The following YTHDF1 variants were observed in gnomAD, a reference collection of about 807,000 sequenced individuals.
YTHDF1 encodes the protein YTH N6-methyladenosine RNA binding protein F1.
Under a neutral mutation model 49.1 loss-of-function variants are expected in YTHDF1, and 16 were observed. The ratio of observed to expected loss-of-function variants is 0.33; its 90% CI spans 0.22 to 0.49. The LOEUF (loss-of-function observed/expected upper bound fraction) is 0.49, where lower values mean the gene tolerates loss of function less well. Among genes scored for constraint, YTHDF1 ranks in the 20% least tolerant of loss-of-function variants. The pLI, the probability that YTHDF1 is intolerant of heterozygous loss-of-function variation, is 0.99. For missense variants in YTHDF1, 621 were observed against 744.3 expected (o/e 0.83, Z 1.93); for synonymous variants, 313 against 290.1 (o/e 1.08, Z -0.80).
rs992066194 is a variant in YTHDF1, at chr20:63,196,865, C to T, written c.1654-131G>A. ...GGCGGGACCCTGAATGGTACCCAAG[C>T]CACACCAGCACACAACTCTGAGCTG... On this transcript the variant is annotated intron_variant, in intron 4 of 4. Coordinates refer to ENST00000370339, the MANE Select transcript of YTHDF1 (RefSeq NM_017798.4). 9.0e-6 allele frequency: 9 copies of T among 999,860 alleles called. No individual in the cohort carries two copies. In the African/African-American group the frequency reaches 9.7e-5, roughly 11 times the overall value. 61.9% of individuals were successfully genotyped at this position (999,860 alleles called of 1,614,324 possible). A position where few individuals can be genotyped will look rare whatever the true frequency, so the allele number is the denominator to read the frequency against.
rs2066492873 is a variant in YTHDF1, at chr20:63,196,458, T to TC, written c.*249dup. The TC allele has an allele frequency of 2.7e-6, 1 of 368,862 alleles. No homozygotes were observed. The highest frequency in any genetic ancestry group is 4.2e-5 in the East Asian group (1 of 24,064). 22.8% of individuals were successfully genotyped at this position (368,862 alleles called of 1,614,324 possible). A position where few individuals can be genotyped will look rare whatever the true frequency, so the allele number is the denominator to read the frequency against. On this transcript the variant is annotated 3_prime_UTR_variant, in exon 5 of 5. Transcript: ENST00000370339. ...CTTTGTTTTTAAGGATACTTACATT[T>TC]CACATTAGATCAGTCTGATTGATAA...
intron 3 of YTHDF1, among the ~76,000 whole-genome samples, chr20:63,207,705 A>C (rs986564430): frequency 2.0e-5 from 3 of 151,882 alleles, no homozygotes; most frequent in African/African-American, 4.8e-5. Flanking sequence ...ACCTCATCGA[A>C]GAAAGGCTAA....
intron 3 of YTHDF1, among the ~76,000 whole-genome samples, chr20:63,210,643 C>A (rs1319352860): frequency 5.3e-5 from 8 of 152,066 alleles, no homozygotes; most frequent in Non-Finnish European, 1.0e-4. Flanking sequence ...AAAAAATTAG[C>A]CAGGCGTGGT....
chr20:63,215,528 C>G, intron 2 of YTHDF1, 49 bp downstream of exon 2: 1 of 1,612,812 alleles, frequency 6.2e-7, no homozygotes, highest in Non-Finnish European at 8.5e-7. Flanking sequence ...GTTCCTTCCC[C>G]GTCCTCCTCC....
At position 63,202,955 on chromosome 20, in the gene YTHDF1, C is replaced by A; in HGVS notation, c.985G>T (p.Val329Phe). The A allele has an allele frequency of 6.2e-7, 1 of 1,614,030 alleles. No homozygotes were observed. The highest frequency in any genetic ancestry group is 8.5e-7 in the Non-Finnish European group (1 of 1,180,052). ...SPQQPPQTRW[V>F]APRNRNAAFG... ...GCCGCGTTTCTGTTGCGTGGGGCAA[C>A]CCAGCGGGTCTGGGGTGGCTGCTGA... is the stretch of plus-strand genomic sequence containing the variant. The change falls in exon 4 of 5, where the codon GTT (valine) becomes TTT (phenylalanine). Residue 329 changes from valine (V) to phenylalanine (F), a missense_variant. Physicochemically the swap from Val to Phe is conservative, Grantham distance 50 (BLOSUM62 -1). Coordinates refer to ENST00000370339, the MANE Select transcript of YTHDF1 (RefSeq NM_017798.4).
chr20:63,215,749 C>A, intron 1 of YTHDF1, 117 bp downstream of exon 1: 4 of 1,376,080 alleles, frequency 2.9e-6, no homozygotes, highest in Non-Finnish European at 3.8e-6. Flanking sequence ...CCCCGAGACC[C>A]CGGTCCCGCC....
chr20:63,211,450 T>C (rs2066573729), intron 3 of YTHDF1, among the ~76,000 whole-genome samples: 1 of 152,016 alleles, frequency 6.6e-6, no homozygotes, highest in South Asian at 2.1e-4. Context: ...GGCAATGGAG[T>C]GAGACCCTGT....
chr20:63,215,924 C>T lies in YTHDF1; in HGVS notation c.-32G>A, dbSNP rs2066600176. The T allele has an allele frequency of 2.9e-6, 4 of 1,365,690 alleles. No individual in the cohort carries two copies. The highest frequency in any genetic ancestry group is 2.8e-6 in the Non-Finnish European group (3 of 1,053,438). The allele number at this position is 1,365,690 out of a possible 1,614,324, so 84.6% of individuals were successfully genotyped here. A position where few individuals can be genotyped will look rare whatever the true frequency, so the allele number is the denominator to read the frequency against. The stretch of plus-strand genomic sequence containing the variant: ...TGAACAACTAGACGCGGGGCCGGGG[C>T]GCCCGCCGGCTCGGGCCTCCCCTAG... On this transcript the variant is annotated 5_prime_UTR_variant, in exon 1 of 5. Transcript: ENST00000370339.
intron 4 of YTHDF1, among the ~76,000 whole-genome samples, chr20:63,197,600 C>T (rs908445011): frequency 6.6e-6 from 1 of 152,116 alleles, no homozygotes; most frequent in African/African-American, 2.4e-5. Context: ...GTGTCCCAGG[C>T]CGAGTGTGGT....
At position 63,196,560 on chromosome 20, in the gene YTHDF1, A is replaced by G; in HGVS notation, c.*148T>C. On this transcript the variant is annotated 3_prime_UTR_variant, in exon 5 of 5. Coordinates refer to ENST00000370339, the MANE Select transcript of YTHDF1 (RefSeq NM_017798.4). ...ATAGAAAAAGTACAAATAAATGCAGATCCATCTGGGCAAAAATCAACGACA... is the reference window on the plus strand; with the variant it reads ...ATAGAAAAAGTACAAATAAATGCAGGTCCATCTGGGCAAAAATCAACGACA... 2 of 833,416 alleles carry G rather than the reference A, an allele frequency of 2.4e-6. No individual in the cohort carries two copies. The highest frequency in any genetic ancestry group is 3.9e-6 in the Non-Finnish European group (2 of 518,198). 51.6% of individuals were successfully genotyped at this position (833,416 alleles called of 1,614,324 possible).
intron 3 of YTHDF1, among the ~76,000 whole-genome samples, chr20:63,211,378 T>A (rs1171158483): frequency 6.6e-6 from 1 of 152,026 alleles, no homozygotes; most frequent in Non-Finnish European, 1.5e-5. Flanking sequence ...GGTGGGAGAA[T>A]CACCTGAGCC....
intron 4 of YTHDF1, among the ~76,000 whole-genome samples, chr20:63,197,874 C>T (rs892724700): frequency 7.2e-5 from 11 of 152,122 alleles, no homozygotes; most frequent in African/African-American, 2.4e-4. Flanking sequence ...TCCTCTTTTG[C>T]TAAAAATGGA....
chr20:63,210,559 G>T (rs1424480993), intron 3 of YTHDF1, among the ~76,000 whole-genome samples: 2 of 152,068 alleles, frequency 1.3e-5, no homozygotes, highest in African/African-American at 2.4e-5. Context: ...TGAGGCAGGG[G>T]GATCACCAGA....
Position 63,203,021 on chromosome 20 carries a change from C to A in YTHDF1, c.919G>T (p.Ala307Ser), listed in dbSNP as rs745461335. ...GGTTGAGCCAAAGCTGGGGGCTGTG[C>A]TGGGAGAGGCTGAGCCACCTGCTGG... Reference protein sequence around the residue: ...QPQQVAQPLPAQPPALAQPQY... With the variant: ...QPQQVAQPLPSQPPALAQPQY... Residue 307 changes from alanine (A) to serine (S), a missense_variant, in exon 4 of 5, where the codon GCA (alanine) becomes TCA (serine). Ala to Ser is a moderately conservative substitution (Grantham distance 99, BLOSUM62 1). Coordinates refer to ENST00000370339, the MANE Select transcript of YTHDF1 (RefSeq NM_017798.4). This position sits in a 1 kb window ranked among gnomAD's most constrained non-coding sequence, Gnocchi z 4.4. 45 of 1,608,688 alleles carry A rather than the reference C, an allele frequency of 2.8e-5. No individual in the cohort carries two copies.
intron 4 of YTHDF1, among the ~76,000 whole-genome samples, chr20:63,198,634 C>CAA (rs11478753): frequency 8.3e-5 from 12 of 144,542 alleles, no homozygotes; most frequent in African/African-American, 2.3e-4. Flanking sequence ...TAAAATTTCT[C>CAA]AAAAAAAAAA....
chr20:63,215,545 G>C (rs1193866826), intron 2 of YTHDF1, 32 bp downstream of exon 2: 3 of 1,613,298 alleles, frequency 1.9e-6, no homozygotes, highest in African/African-American at 1.3e-5. Flanking sequence ...CTCCACTCCA[G>C]CCCGCGCCGG....
chr20:63,203,914 A>G lies in YTHDF1; in HGVS notation c.133-107T>C. On this transcript the variant is annotated intron_variant, in intron 3 of 4. Transcript: ENST00000370339. The surrounding 1 kb of genome is among the most constrained non-coding windows in gnomAD (Gnocchi z 4.4). ...GGTGGAGCAAAAACAAAACCTGCAC[A>G]GCATGGGGCTACTCCTTCCAGAAAG... 9.8e-7 allele frequency: 1 copy of G among 1,022,736 alleles called. No homozygotes were observed. Among genetic ancestry groups the G allele is most frequent in the Non-Finnish European group, 1.4e-6 (1 of 713,482 alleles). The allele number at this position is 1,022,736 out of a possible 1,614,324, so 63.4% of individuals were successfully genotyped here.
Position 63,215,978 on chromosome 20 carries a change from G to T in YTHDF1, c.-86C>A. The T allele has an allele frequency of 8.8e-7, 1 of 1,141,926 alleles. No homozygotes were observed. Among genetic ancestry groups the T allele is most frequent in the Non-Finnish European group, 1.1e-6 (1 of 927,728 alleles). The allele number at this position is 1,141,926 out of a possible 1,614,324, so 70.7% of individuals were successfully genotyped here. A position where few individuals can be genotyped will look rare whatever the true frequency, so the allele number is the denominator to read the frequency against. ...CCGGGCCTGTCACCCTAGCTCGCGCGGCCCCGGGCCCCGCCGCCAATTCCC... is the reference window on the plus strand; with the variant it reads ...CCGGGCCTGTCACCCTAGCTCGCGCTGCCCCGGGCCCCGCCGCCAATTCCC... On this transcript the variant is annotated 5_prime_UTR_variant, in exon 1 of 5. Coordinates refer to ENST00000370339, the MANE Select transcript of YTHDF1 (RefSeq NM_017798.4).
intron 3 of YTHDF1, among the ~76,000 whole-genome samples, chr20:63,207,712 C>CG (rs1335397998): frequency 1.3e-5 from 2 of 151,740 alleles, no homozygotes; most frequent in Non-Finnish European, 2.9e-5. Context: ...CGAAGAAAGG[C>CG]TAACACATTT....
Sources: allele counts gnomAD v4.1 joint callset (sites outside exome capture counted in the v4.1 genomes callset), GRCh38; gene constraint gnomAD v4.1.1; non-coding constraint Gnocchi (gnomAD v3.1); transcripts MANE v1.5; gene names NCBI Gene and HGNC (gene_info 2026-07-23, HGNC 2026-07-21).